ARPC3: variants seen among roughly 807,000 people sequenced by gnomAD.
ARPC3 encodes the protein actin-related protein 2/3 complex subunit 3.
A neutral mutation model predicts 27.6 loss-of-function variants in ARPC3; 12 were observed. The ratio of observed to expected loss-of-function variants is 0.43; its 90% CI spans 0.28 to 0.70. The LOEUF (loss-of-function observed/expected upper bound fraction) is 0.70, where lower values mean the gene tolerates loss of function less well. ARPC3 is among the 30% of genes least tolerant of loss of function. The pLI is 0.17. For synonymous variants in ARPC3, 53 were observed against 67.2 expected (o/e 0.79, Z 1.03); for missense variants, 153 against 207.7 (o/e 0.74, Z 1.62).
At chr12:110,436,230 C>T in intron 5 of ARPC3, 26 bp from the exon 6 acceptor site, 1 of 1,572,638 alleles carries the variant, frequency 6.4e-7, no homozygotes, top group Non-Finnish European at 8.8e-7. Flanking sequence ...TTAAAAAAAA[C>T]TGTATTTGCA....
intron 4 of ARPC3, 121 bp downstream of exon 4, chr12:110,436,963 G>GT: frequency 2.5e-6 from 2 of 806,050 alleles, no homozygotes; most frequent in Non-Finnish European, 4.3e-6. Context: ...AGTCCATGCT[G>GT]TAAGTCAGAG....
chr12:110,447,344 A>G (rs940749754), intron 1 of ARPC3, among the ~76,000 whole-genome samples: 4 of 152,252 alleles, frequency 2.6e-5, no homozygotes, highest in African/African-American at 9.6e-5. Context: ...TTATAAGTCA[A>G]CATGGGTCCC....
intron 5 of ARPC3, 155 bp from the exon 6 acceptor site, chr12:110,436,359 G>T: frequency 8.8e-7 from 1 of 1,132,396 alleles, no homozygotes; most frequent in African/African-American, 1.6e-5. Flanking sequence ...AACTATATTT[G>T]TTTTTGTTCA....
chr12:110,448,919 G>A (rs912517805), intron 1 of ARPC3, among the ~76,000 whole-genome samples: 1 of 151,724 alleles, frequency 6.6e-6, no homozygotes, highest in African/African-American at 2.4e-5. Context: ...GGGATTACAG[G>A]CACGCACCAC....
At chr12:110,437,428 C>A in intron 3 of ARPC3, 1 of 369,068 alleles carries the variant, frequency 2.7e-6, no homozygotes, top group East Asian at 6.6e-5. Flanking sequence ...AGTGCAGTGG[C>A]ACAATCTCAG....
At chr12:110,443,353 C>T (rs1254499477) in intron 2 of ARPC3, among the ~76,000 whole-genome samples, 1 of 152,060 alleles carries the variant, frequency 6.6e-6, no homozygotes, top group Non-Finnish European at 1.5e-5. Flanking sequence ...CTCCTGACCT[C>T]GTGATCCACC....
chr12:110,439,771 G>A (rs2062426177), intron 3 of ARPC3, among the ~76,000 whole-genome samples: 1 of 152,184 alleles, frequency 6.6e-6, no homozygotes, highest in Admixed American at 6.6e-5. Flanking sequence ...GAGGTTGACG[G>A]TATAGTGAGC....
chr12:110,436,070 AG>A, intron 6 of ARPC3, 39 bp downstream of exon 6: 1 of 1,473,190 alleles, frequency 6.8e-7, no homozygotes, highest in Non-Finnish European at 9.5e-7. Context: ...ATGGGATAAA[AG>A]GTGATTTACC....
chr12:110,436,302 C>A, intron 5 of ARPC3, 98 bp from the exon 6 acceptor site: 1 of 1,125,800 alleles, frequency 8.9e-7, no homozygotes. Flanking sequence ...CATTTTTATA[C>A]ATTTGAACAG....
At chr12:110,447,749 G>GC (rs2062473218) in intron 1 of ARPC3, among the ~76,000 whole-genome samples, 1 of 151,972 alleles carries the variant, frequency 6.6e-6, no homozygotes, top group Non-Finnish European at 1.5e-5. Flanking sequence ...CTCCAGCCTG[G>GC]CGACACAGCA....
At chr12:110,437,213 T>A (rs991060131) in intron 3 of ARPC3, 61 bp from the exon 4 acceptor site, 2 of 1,117,510 alleles carry the variant, frequency 1.8e-6, no homozygotes, top group Non-Finnish European at 2.7e-6. Flanking sequence ...ATGTGCAATG[T>A]ATGCATTCCA....
chr12:110,445,358 A>G, intron 2 of ARPC3, 94 bp downstream of exon 2: 7 of 984,272 alleles, frequency 7.1e-6, no homozygotes, highest in Non-Finnish European at 1.1e-5. Context: ...AATTTGAGAG[A>G]GAAGACTGAG....
chr12:110,445,333 G>T, intron 2 of ARPC3, 119 bp downstream of exon 2: 1 of 792,172 alleles, frequency 1.3e-6, no homozygotes, highest in Non-Finnish European at 2.2e-6. Context: ...TATCTACCAA[G>T]CAAAGTACAA....
intron 1 of ARPC3, among the ~76,000 whole-genome samples, chr12:110,448,392 T>C (rs763817189): frequency 7.9e-5 from 12 of 152,000 alleles, no homozygotes; most frequent in Non-Finnish European, 1.3e-4. Context: ...TATGCATTTG[T>C]GAGGCTGAGC....
intron 2 of ARPC3, among the ~76,000 whole-genome samples, chr12:110,441,316 AG>A (rs1390217479): frequency 3.3e-5 from 5 of 151,086 alleles, no homozygotes; most frequent in African/African-American, 1.2e-4. Context: ...TATTTTTAGT[AG>A]AAATGGGGTT....
intron 6 of ARPC3, 76 bp from the exon 7 acceptor site, chr12:110,435,293 T>C: frequency 8.6e-7 from 1 of 1,168,802 alleles, no homozygotes; most frequent in Non-Finnish European, 1.3e-6. Context: ...AATAATAAAA[T>C]TTCACATTAG....
intron 2 of ARPC3, 187 bp from the exon 3 acceptor site, chr12:110,440,575 CT>C: frequency 3.8e-6 from 2 of 524,240 alleles, no homozygotes. Flanking sequence ...GAGACAGAGT[CT>C]CGCTCTGTCA....
intron 1 of ARPC3, among the ~76,000 whole-genome samples, chr12:110,449,466 G>T (rs994089714): frequency 6.6e-6 from 1 of 152,032 alleles, no homozygotes; most frequent in Non-Finnish European, 1.5e-5. Context: ...GGAGGCTGAG[G>T]CACGAGAATT....
intron 2 of ARPC3, among the ~76,000 whole-genome samples, chr12:110,441,289 G>C (rs2062436194): frequency 6.6e-6 from 1 of 151,566 alleles, no homozygotes; most frequent in Admixed American, 6.6e-5. Flanking sequence ...TGTACCACCA[G>C]GCCTGGCTAA....
Sources: gnomAD v4.1 joint callset for allele counts (sites outside exome capture counted in the v4.1 genomes callset) on GRCh38, gnomAD v4.1.1 for gene constraint, MANE v1.5 for transcripts, NCBI Gene and HGNC (gene_info 2026-07-23, HGNC 2026-07-21) for gene names.